SLX4IP: variants seen among roughly 807,000 people sequenced by gnomAD.
SLX4IP encodes SLX4 interacting protein.
Under a neutral mutation model 32.9 loss-of-function variants are expected in SLX4IP, and 34 were observed. The ratio of observed to expected loss-of-function variants is 1.03; its 90% CI spans 0.79 to 1.38. The LOEUF (loss-of-function observed/expected upper bound fraction) is 1.38, where lower values mean the gene tolerates loss of function less well. SLX4IP is among the 40% of genes most tolerant of loss of function. SLX4IP has a pLI of 0.00. For synonymous variants in SLX4IP, 172 were observed against 171.7 expected (o/e 1.00, Z -0.01); for missense variants, 444 against 479.0 (o/e 0.93, Z 0.68).
intron 2 of SLX4IP, among the ~76,000 whole-genome samples, chr20:10,481,174 A>G (rs1184074443): frequency 6.6e-6 from 1 of 152,016 alleles, no homozygotes; most frequent in Non-Finnish European, 1.5e-5. Context: ...GTATAAATTT[A>G]GGGGGTTCAA....
At position 10,512,778 on chromosome 20, in the gene SLX4IP, C is replaced by CTATATATATATATA. The variant is rs57942782; in HGVS notation, c.28-43422_28-43409dup. ...ATGTATATATATACACACACACACT[C>CTATATATATATATA]TATATATATATATATATATATATAT... On this transcript the variant is annotated intron_variant, in intron 2 of 7. Transcript: ENST00000334534. Among the ~76,000 whole-genome samples the CTATATATATATATA allele has an allele frequency of 9.9e-3, 248 of 25,102 alleles. 7 individuals are homozygous for CTATATATATATATA. Among genetic ancestry groups the CTATATATATATATA allele is most frequent in the African/African-American group, 0.019 (115 of 6,132 alleles). 16.5% of individuals were successfully genotyped at this position (25,102 alleles called of 152,430 possible).
At chr20:10,518,549 C>CCTTCCTTCCTTCCTTCCTTCCTTCCTTT (rs1491112415) in intron 2 of SLX4IP, among the ~76,000 whole-genome samples, 11 of 52,880 alleles carry the variant, frequency 2.1e-4, no homozygotes, top group Non-Finnish European at 4.0e-4. Flanking sequence ...TTCCTTCCTT[C>CCTTCCTTCCTTCCTTCCTTCCTTCCTTT]CTTTCCTTCT....
intron 1 of SLX4IP, among the ~76,000 whole-genome samples, chr20:10,446,411 CA>C (rs36181096): frequency 0.022 from 2,424 of 112,336 alleles, 21 homozygotes; most frequent in African/African-American, 0.041. Context: ...GACTCTGTCT[CA>C]AAAAAAAAAA....
chr20:10,623,315 A>G lies in SLX4IP; in HGVS notation c.1163A>G (p.Glu388Gly), dbSNP rs1456046061. 2.5e-6 allele frequency: 4 copies of G among 1,614,186 alleles called. No individual in the cohort carries two copies. The highest frequency in any genetic ancestry group is 3.4e-6 in the Non-Finnish European group (4 of 1,180,036). The change falls in exon 8 of 8, where the codon GAA (glutamate) becomes GGA (glycine). Residue 388 changes from glutamate (E) to glycine (G), a missense_variant. Transcript: ENST00000334534. ...AQQTGLATNT[E>G]RLSTIQNSPT... Reference sequence around the variant, plus strand: ...CAAACCGGCTTAGCCACAAACACTGAAAGATTATCTACAATTCAGAACAGC... The same window carrying G: ...CAAACCGGCTTAGCCACAAACACTGGAAGATTATCTACAATTCAGAACAGC...
intron 6 of SLX4IP, chr20:10,613,149 A>G: frequency 4.4e-6 from 2 of 456,230 alleles, no homozygotes; most frequent in Middle Eastern, 6.4e-4. Flanking sequence ...TGTGTACAGA[A>G]GATCCATGGA....
At chr20:10,580,441 G>A (rs1948472647) in intron 4 of SLX4IP, among the ~76,000 whole-genome samples, 1 of 150,610 alleles carries the variant, frequency 6.6e-6, no homozygotes. Context: ...TCCCATCCTT[G>A]AGGATCTCCC....
intron 6 of SLX4IP, among the ~76,000 whole-genome samples, chr20:10,612,269 G>C (rs1389233421): frequency 6.6e-6 from 1 of 152,166 alleles, no homozygotes; most frequent in Non-Finnish European, 1.5e-5. Flanking sequence ...AAACAGTCCT[G>C]TAAGGTAGAT....
intron 2 of SLX4IP, among the ~76,000 whole-genome samples, chr20:10,550,280 A>G (rs910243983): frequency 8.5e-5 from 13 of 152,136 alleles, no homozygotes; most frequent in African/African-American, 2.9e-4. Context: ...AAGCTGCCTT[A>G]TACCCTCAAT....
At chr20:10,479,100 C>A (rs2065498779) in intron 2 of SLX4IP, among the ~76,000 whole-genome samples, 1 of 152,160 alleles carries the variant, frequency 6.6e-6, no homozygotes, top group Non-Finnish European at 1.5e-5. Context: ...GTTAGGGAGA[C>A]CTTGAGAAGT....
At chr20:10,607,860 G>T (rs2066922183) in intron 6 of SLX4IP, among the ~76,000 whole-genome samples, 1 of 152,102 alleles carries the variant, frequency 6.6e-6, no homozygotes, top group Non-Finnish European at 1.5e-5. Context: ...TGTTAATAAT[G>T]AAATTTGTTC....
chr20:10,443,367 C>T (rs563524025), intron 1 of SLX4IP, among the ~76,000 whole-genome samples: 11 of 152,288 alleles, frequency 7.2e-5, no homozygotes, highest in Admixed American at 3.9e-4. Context: ...ATCTTATAGT[C>T]AGGGAGAGGA....
chr20:10,521,989 G>T (rs1187692989), intron 2 of SLX4IP, among the ~76,000 whole-genome samples: 1 of 152,114 alleles, frequency 6.6e-6, no homozygotes, highest in East Asian at 1.9e-4. Flanking sequence ...CATTTAATTT[G>T]ATTACAGAAG....
chr20:10,505,522 A>G (rs1870762131), intron 2 of SLX4IP, among the ~76,000 whole-genome samples: 1 of 152,220 alleles, frequency 6.6e-6, no homozygotes, highest in South Asian at 2.1e-4. Flanking sequence ...GAGGTTGCAC[A>G]AGGCTTATGT....
chr20:10,511,159 G>A (rs1461814480), intron 2 of SLX4IP, among the ~76,000 whole-genome samples: 1 of 152,126 alleles, frequency 6.6e-6, no homozygotes, highest in African/African-American at 2.4e-5. Flanking sequence ...AACTTAAAAA[G>A]TTTGCAATAT....
At chr20:10,502,781 TTC>T in intron 2 of SLX4IP, among the ~76,000 whole-genome samples, 1 of 152,310 alleles carries the variant, frequency 6.6e-6, no homozygotes, top group East Asian at 1.9e-4. Context: ...CTTTTTTTTT[TTC>T]TTTTTGGTCT....
intron 2 of SLX4IP, among the ~76,000 whole-genome samples, chr20:10,511,934 A>G (rs545924519): frequency 6.6e-6 from 1 of 152,272 alleles, no homozygotes; most frequent in Non-Finnish European, 1.5e-5. Flanking sequence ...CATGCCTATC[A>G]TAAGAGAAGT....
chr20:10,497,333 A>T (rs566782067), intron 2 of SLX4IP, among the ~76,000 whole-genome samples: 1 of 152,292 alleles, frequency 6.6e-6, no homozygotes, highest in South Asian at 2.1e-4. Context: ...GACATCTGCC[A>T]TTAGATTTTG....
intron 2 of SLX4IP, among the ~76,000 whole-genome samples, chr20:10,529,477 G>C (rs750776612): frequency 2.0e-5 from 3 of 151,338 alleles, no homozygotes; most frequent in Non-Finnish European, 4.4e-5. Flanking sequence ...TGTAATCTCA[G>C]CTACTTGGAA....
intron 4 of SLX4IP, among the ~76,000 whole-genome samples, chr20:10,575,637 C>T (rs1217678964): frequency 4.1e-5 from 6 of 147,394 alleles, no homozygotes; most frequent in Non-Finnish European, 7.4e-5. Flanking sequence ...GAACTGTTTA[C>T]CTTAGCATGT....
Sources: gnomAD v4.1 joint callset for allele counts (sites outside exome capture counted in the v4.1 genomes callset) on GRCh38, gnomAD v4.1.1 for gene constraint, MANE v1.5 for transcripts, NCBI Gene and HGNC (gene_info 2026-07-23, HGNC 2026-07-21) for gene names.